CASQ2: variants seen among roughly 807,000 people sequenced by gnomAD.
CASQ2 encodes calsequestrin-2.
A neutral mutation model predicts 46.5 loss-of-function variants in CASQ2; 49 were observed. The ratio of observed to expected loss-of-function variants is 1.05; its 90% CI spans 0.84 to 1.34. The LOEUF is 1.34. Among genes scored for constraint, CASQ2 ranks in the 40% most tolerant of loss-of-function variants. The probability of loss-of-function intolerance (pLI) is 0.00; values close to 1 mark genes in which losing one functional copy is unlikely to be tolerated. For synonymous variants in CASQ2, 174 were observed against 168.5 expected, an observed-to-expected ratio of 1.03 and a Z score of -0.25; for missense variants, 486 against 481.3, an observed-to-expected ratio of 1.01 and a Z score of -0.09.
intron 2 of CASQ2, among the ~76,000 whole-genome samples, chr1:115,743,629 T>A (rs564173974): frequency 1.3e-5 from 2 of 152,208 alleles, no homozygotes; most frequent in South Asian, 4.1e-4. Flanking sequence ...CAGTTGTCTG[T>A]AATTTTCCAG....
intron 7 of CASQ2, 108 bp downstream of exon 7, chr1:115,725,400 C>G: frequency 8.0e-7 from 1 of 1,254,220 alleles, no homozygotes; most frequent in Non-Finnish European, 1.2e-6. Flanking sequence ...TAGACATCCA[C>G]CTCAGCCAAA....
intron 7 of CASQ2, among the ~76,000 whole-genome samples, chr1:115,723,253 T>C (rs998813248): frequency 7.9e-6 from 1 of 126,720 alleles, no homozygotes; most frequent in African/African-American, 2.8e-5. Flanking sequence ...TCTATCTCTC[T>C]ATATCTATCT....
In CASQ2 at chr1:115,768,367, G is replaced by A. The variant is rs866858282; in HGVS notation, c.175C>T (p.Pro59Ser). ...YDLLCLYYHE[P>S]VSSDKVTQKQ... ...TGCGTGACCTTATCTGAAGACACCG[G>A]CTCATGGTAGTAGAGGCAAAGCAAG... The change falls in exon 1 of 11, where the codon CCG becomes TCG. Residue 59 changes from proline (P) to serine (S), a missense_variant. By Grantham distance (74) the Pro-to-Ser change is moderately conservative. Coordinates refer to ENST00000261448, the MANE Select transcript of CASQ2 (RefSeq NM_001232.4). The A allele has an allele frequency of 2.5e-6, 4 of 1,613,910 alleles. No homozygotes were observed. The African/African-American group carries it at 5.3e-5, about 22-fold the overall frequency.
chr1:115,750,999 A>G (rs951596955), intron 1 of CASQ2, among the ~76,000 whole-genome samples: 3 of 149,754 alleles, frequency 2.0e-5, no homozygotes, highest in Non-Finnish European at 4.5e-5. Context: ...TTAAGTGCAC[A>G]GGGCTTGGAA....
chr1:115,762,322 T>C (rs1648991786), intron 1 of CASQ2, among the ~76,000 whole-genome samples: 1 of 152,210 alleles, frequency 6.6e-6, no homozygotes, highest in Non-Finnish European at 1.5e-5. Context: ...ATGCAAAGAT[T>C]ATTGAGTGTC....
At chr1:115,737,470 C>T (rs1648003291) in intron 4 of CASQ2, among the ~76,000 whole-genome samples, 1 of 152,220 alleles carries the variant, frequency 6.6e-6, no homozygotes, top group African/African-American at 2.4e-5. Flanking sequence ...CTCACCCGCT[C>T]TAATGCTGTT....
At chr1:115,703,116 G>T in intron 9 of CASQ2, 121 bp from the exon 10 acceptor site, 1 of 756,884 alleles carries the variant, frequency 1.3e-6, no homozygotes, top group Non-Finnish European at 2.3e-6. Context: ...AAACAGCTGT[G>T]AGCACTTAGC....
At position 115,725,494 on chromosome 1, in the gene CASQ2, T is replaced by C. The variant is rs1292104495; in HGVS notation, c.783+14A>G. The C allele has an allele frequency of 6.2e-7, 1 of 1,611,618 alleles. No homozygotes were observed. The highest frequency in any genetic ancestry group is 2.2e-5 in the East Asian group (1 of 44,820). On this transcript the variant is annotated intron_variant, in intron 7 of 10. Transcript: ENST00000261448. ...TCATCTCTACAAGGCAAAGAGAGTTTGCCTCTTTCTTACCCATGTTTCAAA... is the reference window on the plus strand; with the variant it reads ...TCATCTCTACAAGGCAAAGAGAGTTCGCCTCTTTCTTACCCATGTTTCAAA...
intron 4 of CASQ2, among the ~76,000 whole-genome samples, chr1:115,737,702 G>A (rs1250686239): frequency 6.6e-6 from 1 of 152,164 alleles, no homozygotes; most frequent in African/African-American, 2.4e-5. Flanking sequence ...GCTTTCAAAG[G>A]GAATATGTCC....
chr1:115,734,294 G>A, intron 4 of CASQ2, among the ~76,000 whole-genome samples: 1 of 152,188 alleles, frequency 6.6e-6, no homozygotes. Flanking sequence ...AAGCAGCAGT[G>A]GGCTCTATCA....
At chr1:115,707,629 G>A (rs1271885058) in intron 8 of CASQ2, among the ~76,000 whole-genome samples, 2 of 152,142 alleles carry the variant, frequency 1.3e-5, no homozygotes, top group Admixed American at 6.5e-5. Flanking sequence ...CACAGGAGAG[G>A]GAAATATGGT....
At chr1:115,722,422 G>C (rs1248469236) in intron 7 of CASQ2, among the ~76,000 whole-genome samples, 1 of 152,176 alleles carries the variant, frequency 6.6e-6, no homozygotes, top group Non-Finnish European at 1.5e-5. Context: ...CTGAACATCT[G>C]CCTCTAATGT....
intron 1 of CASQ2, among the ~76,000 whole-genome samples, chr1:115,761,880 T>C (rs1003574361): frequency 4.6e-5 from 7 of 152,226 alleles, no homozygotes; most frequent in Non-Finnish European, 8.8e-5. Flanking sequence ...AAGTAACCTA[T>C]GTTTCAGCAC....
At chr1:115,750,891 G>A (rs1325441497) in intron 1 of CASQ2, among the ~76,000 whole-genome samples, 1 of 26,668 alleles carries the variant, frequency 3.7e-5, no homozygotes, top group African/African-American at 5.1e-5. Flanking sequence ...TTAAAAGATT[G>A]TATCCTGTAG....
At chr1:115,726,849 A>G in intron 6 of CASQ2, 143 bp downstream of exon 6, 2 of 679,556 alleles carry the variant, frequency 2.9e-6, no homozygotes, top group Non-Finnish European at 5.3e-6. Flanking sequence ...ATTACTGATC[A>G]ACAAAGCCAT....
At chr1:115,763,888 G>T (rs1649041469) in intron 1 of CASQ2, among the ~76,000 whole-genome samples, 1 of 152,140 alleles carries the variant, frequency 6.6e-6, no homozygotes, top group East Asian at 1.9e-4. Context: ...AGAGGAAGCA[G>T]GAAACAAAGC....
chr1:115,714,682 T>C (rs4460638), intron 8 of CASQ2, among the ~76,000 whole-genome samples: 81,126 of 152,040 alleles, frequency 0.53, 21,866 homozygotes, highest in East Asian at 0.66. Context: ...TACACATCAG[T>C]GCTCTGCAGG....
Position 115,745,213 on chromosome 1 carries a change from G to A in CASQ2, c.235-301C>T, listed in dbSNP as rs34065642. Among the ~76,000 whole-genome samples the A allele has an allele frequency of 0.06, 9,098 of 152,226 alleles. 343 individuals carry two copies. The highest frequency in any genetic ancestry group is 0.09 in the Non-Finnish European group (6,148 of 68,002). Reference sequence around the variant, plus strand: ...CCTTGGAGTAGATAAAACCTGGATCGGGAGAAAGAAGAATCAGGAAGGAAG... The same window carrying A: ...CCTTGGAGTAGATAAAACCTGGATCAGGAGAAAGAAGAATCAGGAAGGAAG... On this transcript the variant is annotated intron_variant, in intron 1 of 10. Coordinates refer to ENST00000261448, the MANE Select transcript of CASQ2 (RefSeq NM_001232.4).
chr1:115,700,828 G>C lies in CASQ2; in HGVS notation c.*413C>G. ...ATCATTAATCATGTGTCTTCCCTGGGCTCTGATTAAAAGGTCACTCTATGC... is the reference window on the plus strand; with the variant it reads ...ATCATTAATCATGTGTCTTCCCTGGCCTCTGATTAAAAGGTCACTCTATGC... On this transcript the variant is annotated 3_prime_UTR_variant, in exon 11 of 11. Transcript: ENST00000261448. 1.9e-6 allele frequency: 1 copy of C among 538,876 alleles called. No homozygotes were observed. The highest frequency in any genetic ancestry group is 2.9e-5 in the East Asian group (1 of 34,548). The allele number at this position is 538,876 out of a possible 1,614,324, so 33.4% of individuals were successfully genotyped here.
Sources: allele counts gnomAD v4.1 joint callset (sites outside exome capture counted in the v4.1 genomes callset), GRCh38; gene constraint gnomAD v4.1.1; transcripts MANE v1.5; gene names NCBI Gene and HGNC (gene_info 2026-07-23, HGNC 2026-07-21).